Variants in ASPRV1 observed in about 807,000 individuals in gnomAD.
The protein encoded by ASPRV1 is aspartic peptidase retroviral like 1.
ASPRV1 carries 7 observed loss-of-function variants against 11.0 expected under a neutral mutation model. The ratio of observed to expected loss-of-function variants is 0.64; its 90% CI spans 0.36 to 1.20. ASPRV1 has a LOEUF of 1.20. ASPRV1 is among the 50% of genes most tolerant of loss of function. The pLI is 0.02. For missense variants in ASPRV1, 299 were observed against 320.0 expected (o/e 0.93, Z 0.50); for synonymous variants, 136 against 138.4 (o/e 0.98, Z 0.12).
At chr2:69,998,245 G>A in the ASPRV1 span, 1 of 152,062 alleles carries the variant, frequency 6.6e-6, no homozygotes, top group Non-Finnish European at 1.5e-5. Flanking sequence ...CAGGGTAGTG[G>A]GGACATAGTG....
chr2:70,083,885 C>CA, the ASPRV1 span, among the ~76,000 whole-genome samples: 1 of 152,188 alleles, frequency 6.6e-6, no homozygotes, highest in Non-Finnish European at 1.5e-5. Flanking sequence ...GTAGAAGTCT[C>CA]AGAGCTAGAC....
At chr2:70,046,726 C>G in the ASPRV1 span, 6 of 152,072 alleles carry the variant, frequency 3.9e-5, no homozygotes, top group Admixed American at 2.0e-4. Flanking sequence ...TAAAGGGGAA[C>G]TGAAGGTGAA....
the ASPRV1 span, among the ~76,000 whole-genome samples, chr2:69,950,844 AAAATAAATAAATAAAT>A: frequency 3.4e-4 from 46 of 137,014 alleles, no homozygotes; most frequent in South Asian, 7.0e-4. Flanking sequence ...CTCTGTCTCA[AAAATAAATAAATAAAT>A]AAATAAATAA....
the ASPRV1 span, chr2:70,080,779 T>C: frequency 6.6e-6 from 1 of 152,240 alleles, no homozygotes; most frequent in African/African-American, 2.4e-5. Flanking sequence ...AATGTAAACA[T>C]CCTTCATTCA....
the ASPRV1 span, among the ~76,000 whole-genome samples, chr2:70,026,272 C>T: frequency 6.6e-6 from 1 of 151,516 alleles, no homozygotes; most frequent in Non-Finnish European, 1.5e-5. Flanking sequence ...AGTGAAACTC[C>T]ATCTCAAAAT....
At chr2:70,078,317 T>C in the ASPRV1 span, among the ~76,000 whole-genome samples, 1 of 152,130 alleles carries the variant, frequency 6.6e-6, no homozygotes, top group Non-Finnish European at 1.5e-5. Context: ...AGAGAGTCCC[T>C]AGAACACAAT....
chr2:70,079,916 AAAT>A, the ASPRV1 span, among the ~76,000 whole-genome samples: 10,339 of 152,244 alleles, frequency 0.068, 1,205 homozygotes, highest in African/African-American at 0.24. Context: ...GGGACACAAC[AAAT>A]ATTACACAGT....
the ASPRV1 span, among the ~76,000 whole-genome samples, chr2:69,985,585 T>A: frequency 6.6e-6 from 1 of 152,226 alleles, no homozygotes; most frequent in Admixed American, 6.5e-5. Flanking sequence ...AGCCCTGTTA[T>A]GGGCTCAGCT....
the ASPRV1 span, among the ~76,000 whole-genome samples, chr2:69,977,866 C>T: frequency 2.6e-5 from 4 of 152,270 alleles, no homozygotes; most frequent in African/African-American, 9.6e-5. Context: ...GACAAAGTAG[C>T]CAGTGGGACC....
the ASPRV1 span, chr2:70,053,805 GA>G: frequency 6.6e-6 from 1 of 152,202 alleles, no homozygotes; most frequent in African/African-American, 2.4e-5. Flanking sequence ...GCAAGTGGAA[GA>G]AATTCCCTGC....
chr2:70,073,337 G>A, the ASPRV1 span: 1 of 152,036 alleles, frequency 6.6e-6, no homozygotes, highest in Non-Finnish European at 1.5e-5. Context: ...TAACTAAGAA[G>A]TCCCTCTTCT....
chr2:69,976,219 G>A, the ASPRV1 span: 1 of 152,460 alleles, frequency 6.6e-6, no homozygotes, highest in East Asian at 1.9e-4. Context: ...TTCCGTTCCA[G>A]ACCCAGTGCT....
chr2:70,004,394 G>A, the ASPRV1 span, among the ~76,000 whole-genome samples: 5 of 151,948 alleles, frequency 3.3e-5, no homozygotes, highest in African/African-American at 2.4e-5. Context: ...GCCAGGTGCC[G>A]TGGCGCACAC....
the ASPRV1 span, among the ~76,000 whole-genome samples, chr2:69,936,340 G>A: frequency 6.6e-6 from 1 of 152,084 alleles, no homozygotes; most frequent in Non-Finnish European, 1.5e-5. Flanking sequence ...CCACGAGGGA[G>A]GGGACTGGGT....
chr2:69,948,862 C>A, the ASPRV1 span, among the ~76,000 whole-genome samples: 1 of 152,128 alleles, frequency 6.6e-6, no homozygotes, highest in African/African-American at 2.4e-5. Flanking sequence ...GGCGGGTCCC[C>A]ACCTGATCAG....
the ASPRV1 span, among the ~76,000 whole-genome samples, chr2:70,023,873 AAGTT>A: frequency 6.6e-6 from 1 of 152,120 alleles, no homozygotes; most frequent in Non-Finnish European, 1.5e-5. Context: ...TAGAAAGAAA[AAGTT>A]AATGAAATAG....
upstream of ASPRV1, chr2:69,961,740 A>G: frequency 6.6e-7 from 1 of 1,507,152 alleles, no homozygotes; most frequent in South Asian, 1.3e-5. Flanking sequence ...TCCTGCCAGC[A>G]TCCGGCCGGA....
chr2:70,064,905 C>G, the ASPRV1 span, among the ~76,000 whole-genome samples: 1 of 151,932 alleles, frequency 6.6e-6, no homozygotes, highest in East Asian at 1.9e-4. Flanking sequence ...ACCAGCCTGG[C>G]TAACATGGTG....
the ASPRV1 span, among the ~76,000 whole-genome samples, chr2:70,010,384 T>C: frequency 2.6e-5 from 4 of 152,026 alleles, no homozygotes; most frequent in South Asian, 2.1e-4. Context: ...GTTGGATAGA[T>C]AGGCAGTAGG....
Sources: gnomAD v4.1 joint callset for allele counts (sites outside exome capture counted in the v4.1 genomes callset) on GRCh38, gnomAD v4.1.1 for gene constraint, MANE v1.5 for transcripts, NCBI Gene and HGNC (gene_info 2026-07-23, HGNC 2026-07-21) for gene names.